ABCB1: variants seen among roughly 807,000 people sequenced by gnomAD.
The protein encoded by ABCB1 is ATP-dependent translocase ABCB1.
A neutral mutation model predicts 142.0 loss-of-function variants in ABCB1; 69 were observed. That is an observed-to-expected ratio of 0.49 (90% confidence interval 0.40 to 0.59). The LOEUF is 0.59. Ranked by LOEUF, ABCB1 falls within the 20% of genes least tolerant of loss-of-function variation. ABCB1 has a pLI of 0.00. For synonymous variants in ABCB1, 532 were observed against 539.2 expected (o/e 0.99, Z 0.18); for missense variants, 1,326 against 1,554.7 (o/e 0.85, Z 2.47).
At chr7:87,506,087 A>G (rs1259305503) in intron 26 of ABCB1, 44 bp from the exon 27 acceptor site, 1 of 1,587,364 alleles carries the variant, frequency 6.3e-7, no homozygotes, top group African/African-American at 1.3e-5. Context: ...ACTGAAAGTA[A>G]AGTTCTAACA....
At chr7:87,694,066 G>T in intron 1 of ABCB1, 1 of 1,534,878 alleles carries the variant, frequency 6.5e-7, no homozygotes, top group Non-Finnish European at 8.6e-7. Context: ...TACATTGCAT[G>T]GGTTTTGTAA....
intron 1 of ABCB1, among the ~76,000 whole-genome samples, chr7:87,653,892 A>G (rs955060258): frequency 1.3e-5 from 2 of 152,020 alleles, no homozygotes; most frequent in African/African-American, 4.8e-5. Context: ...TAAACTCTGT[A>G]TTAGTCAGAA....
At chr7:87,712,520 A>T (rs1234776674) in intron 1 of ABCB1, among the ~76,000 whole-genome samples, 1 of 152,090 alleles carries the variant, frequency 6.6e-6, no homozygotes. Flanking sequence ...AAGTTATGAT[A>T]GTCTTTTCCA....
intron 21 of ABCB1, among the ~76,000 whole-genome samples, chr7:87,522,584 C>G (rs998023664): frequency 1.3e-5 from 2 of 152,028 alleles, no homozygotes; most frequent in Non-Finnish European, 2.9e-5. Flanking sequence ...GTAAAAAACT[C>G]GAGGACTATA....
rs548766896 is a variant in ABCB1 at position 87,585,393 on chromosome 7, C to G, written c.286+119G>C. 6.2e-6 allele frequency: 6 copies of G among 960,844 alleles called. No homozygotes were observed. The African/African-American group carries it at 9.7e-5, about 16-fold the overall frequency. The allele number at this position is 960,844 out of a possible 1,614,324, so 59.5% of individuals were successfully genotyped here. On this transcript the variant is annotated intron_variant, in intron 4 of 27. Coordinates refer to ENST00000622132, the MANE Select transcript of ABCB1 (RefSeq NM_001348946.2). ...AAATATGAATTATAACTCAGACTGTCTGCCTCCTACAGGACTAAACACACT... is the reference window on the plus strand; with the variant it reads ...AAATATGAATTATAACTCAGACTGTGTGCCTCCTACAGGACTAAACACACT...
chr7:87,622,982 C>T (rs1584929220), intron 1 of ABCB1, among the ~76,000 whole-genome samples: 1 of 152,094 alleles, frequency 6.6e-6, no homozygotes, highest in South Asian at 2.1e-4. Flanking sequence ...AGTTCAAGGC[C>T]GAGGTAAGCC....
intron 1 of ABCB1, among the ~76,000 whole-genome samples, chr7:87,705,678 A>C (rs1191668630): frequency 6.6e-6 from 1 of 152,194 alleles, no homozygotes; most frequent in Non-Finnish European, 1.5e-5. Flanking sequence ...CACTAGAATC[A>C]GCACTCTTAG....
At chr7:87,655,078 G>A (rs190248125) in intron 1 of ABCB1, among the ~76,000 whole-genome samples, 1 of 152,158 alleles carries the variant, frequency 6.6e-6, no homozygotes. Flanking sequence ...CTTGTAGTAG[G>A]AATGTAAATT....
At chr7:87,621,707 A>G (rs1030718137) in intron 1 of ABCB1, among the ~76,000 whole-genome samples, 5 of 152,228 alleles carry the variant, frequency 3.3e-5, no homozygotes, top group Admixed American at 2.0e-4. Flanking sequence ...GAGAAAATAT[A>G]TTGACTGTGT....
Position 87,539,305 on chromosome 7 carries a change from C to T in ABCB1, c.2360G>A (p.Arg787Gln), listed in dbSNP as rs1816427558. ...FGKAGEILTKRLRYMVFRSML... is the reference protein window; with the variant it reads ...FGKAGEILTKQLRYMVFRSML... ...GGATCGGAAAACCATGTATCGGAGC[C>T]GCTTGGTGAGGATCTCTCCAGCTTT... is the stretch of plus-strand genomic sequence containing the variant. The change falls in exon 19 of 28, where the codon CGG (arginine) becomes CAG (glutamine). Residue 787 changes from arginine to glutamine, a missense_variant. Coordinates refer to ENST00000622132, the MANE Select transcript of ABCB1 (RefSeq NM_001348946.2). 4 of 1,614,050 alleles carry T rather than the reference C, an allele frequency of 2.5e-6. No homozygotes were observed. Among genetic ancestry groups the T allele is most frequent in the East Asian group, 2.2e-5 (1 of 44,898 alleles).
At chr7:87,546,813 A>G (rs1816803576) in intron 14 of ABCB1, among the ~76,000 whole-genome samples, 1 of 152,170 alleles carries the variant, frequency 6.6e-6, no homozygotes, top group Non-Finnish European at 1.5e-5. Context: ...AAATTTATGA[A>G]TTTATTTTAT....
intron 21 of ABCB1, among the ~76,000 whole-genome samples, chr7:87,529,475 C>T (rs963856954): frequency 6.6e-5 from 10 of 152,178 alleles, no homozygotes; most frequent in African/African-American, 2.4e-4. Flanking sequence ...TGTATCACAT[C>T]CCTGACCTTT....
chr7:87,526,722 A>G (rs1211733865), intron 21 of ABCB1, among the ~76,000 whole-genome samples: 1 of 152,126 alleles, frequency 6.6e-6, no homozygotes, highest in Non-Finnish European at 1.5e-5. Context: ...TTCAAGAACA[A>G]AGAAAGCATC....
chr7:87,577,592 T>C (rs75232677), intron 4 of ABCB1, among the ~76,000 whole-genome samples: 17,143 of 152,268 alleles, frequency 0.11, 1,263 homozygotes, highest in Admixed American at 0.23. Context: ...GCATTTGTTA[T>C]TGCCTATCTT....
chr7:87,549,381 T>C lies in ABCB1; in HGVS notation c.1692A>G (p.Glu564=), dbSNP rs1816945060. 1.2e-6 allele frequency: 2 copies of C among 1,614,080 alleles called. No homozygotes were observed. Among genetic ancestry groups the C allele is most frequent in the Non-Finnish European group, 1.7e-6 (2 of 1,180,036 alleles). ...GAGCCACCTGAACCACTGCTTCGCT[T>C]TCTGTGTCCAAGGCTGACGTGGCCT... ...LDEATSALDT[E]SEAVVQVALD... The change falls in exon 14 of 28, where the codon GAA becomes GAG. Residue 564 remains glutamate (E), a synonymous_variant. Coordinates refer to ENST00000622132, the MANE Select transcript of ABCB1 (RefSeq NM_001348946.2).
chr7:87,643,454 T>C (rs1822653690), intron 1 of ABCB1, among the ~76,000 whole-genome samples: 1 of 152,168 alleles, frequency 6.6e-6, no homozygotes, highest in Admixed American at 6.5e-5. Context: ...TTATAAAATA[T>C]TTTAAATAGA....
intron 1 of ABCB1, among the ~76,000 whole-genome samples, chr7:87,606,843 T>C (rs1454398237): frequency 6.6e-6 from 1 of 152,058 alleles, no homozygotes; most frequent in Non-Finnish European, 1.5e-5. Flanking sequence ...TTATAAAAGT[T>C]TGGAGATGGG....
chr7:87,544,770 C>T, intron 16 of ABCB1, 53 bp downstream of exon 16: 2 of 1,598,810 alleles, frequency 1.3e-6, no homozygotes, highest in Non-Finnish European at 1.7e-6. Context: ...GCCCACCAAA[C>T]TAGGGAACCA....
At chr7:87,561,749 G>A (rs1243260113) in intron 7 of ABCB1, among the ~76,000 whole-genome samples, 1 of 152,184 alleles carries the variant, frequency 6.6e-6, no homozygotes, top group African/African-American at 2.4e-5. Context: ...ATTTTAGGAT[G>A]CCAAAGATGA....
Sources: allele counts gnomAD v4.1 joint callset (sites outside exome capture counted in the v4.1 genomes callset), GRCh38; gene constraint gnomAD v4.1.1; transcripts MANE v1.5; gene names NCBI Gene and HGNC (gene_info 2026-07-23, HGNC 2026-07-21).